VPS13D: variants seen among roughly 807,000 people sequenced by gnomAD.
VPS13D encodes the protein vacuolar protein sorting 13 homolog D, also known as intermembrane lipid transfer protein VPS13D.
A neutral mutation model predicts 461.9 loss-of-function variants in VPS13D; 187 were observed. The ratio of observed to expected loss-of-function variants is 0.40; its 90% CI spans 0.36 to 0.46. The LOEUF (loss-of-function observed/expected upper bound fraction) is 0.46. VPS13D is among the 20% of genes least tolerant of loss of function. The probability of loss-of-function intolerance (pLI) is 0.60; values close to 1 mark genes in which losing one functional copy is unlikely to be tolerated. For missense variants in VPS13D, 4,711 were observed against 5,364.9 expected (o/e 0.88, Z 3.81); for synonymous variants, 1,951 against 1,986.3 (o/e 0.98, Z 0.47).
rs143808117 is a variant in VPS13D, at chr1:12,299,261, C to T, written c.6093C>T (p.Pro2031=). ...RVLLDIEAGA[P]VLLIPESSRS... ...TCCTGGATATTGAGGCTGGTGCTCC[C>T]GTTCTCTTGATCCCAGAAAGTTCCA... is the stretch of plus-strand genomic sequence containing the variant. The change falls in exon 25 of 70, where the codon CCC becomes CCT. Residue 2031 remains proline, a synonymous_variant. Coordinates refer to ENST00000620676, the MANE Select transcript of VPS13D (RefSeq NM_015378.4). This position sits in a 1 kb window ranked among gnomAD's most constrained non-coding sequence, Gnocchi z 4.2. 34 of 1,613,736 alleles carry T rather than the reference C, an allele frequency of 2.1e-5. No homozygotes were observed. Among genetic ancestry groups the T allele is most frequent in the Admixed American group, 6.7e-5 (4 of 59,878 alleles).
intron 64 of VPS13D, among the ~76,000 whole-genome samples, 165 bp from the exon 65 acceptor site, chr1:12,416,495 G>A (rs1644795908): frequency 1.3e-5 from 2 of 152,214 alleles, no homozygotes; most frequent in African/African-American, 4.8e-5. Context: ...GAAAGGACAG[G>A]AGATTATTTT....
At position 12,277,178 on chromosome 1, in the gene VPS13D, G is replaced by C; in HGVS notation, c.3590G>C (p.Ser1197Thr). 6.2e-7 allele frequency: 1 copy of C among 1,614,214 alleles called. No homozygotes were observed. The highest frequency in any genetic ancestry group is 8.5e-7 in the Non-Finnish European group (1 of 1,180,040). ...TATGGCAGAAAAATTGCAACTGCAAGTATAGGTGGCACCAAAGTTAATGTC... is the reference window on the plus strand; with the variant it reads ...TATGGCAGAAAAATTGCAACTGCAACTATAGGTGGCACCAAAGTTAATGTC... ...EKYGRKIATA[S>T]IGGTKVNVSM... Residue 1197 changes from serine (S) to threonine (T), a missense_variant, in exon 19 of 70, where the codon AGT (serine) becomes ACT (threonine). Physicochemically the swap from Ser to Thr is moderately conservative, Grantham distance 58 (BLOSUM62 1). This residue lies in a region of VPS13D where 4,411 missense variants were observed against 4,937.8 expected (regional missense o/e 0.89). Coordinates refer to ENST00000620676, the MANE Select transcript of VPS13D (RefSeq NM_015378.4).
intron 24 of VPS13D, among the ~76,000 whole-genome samples, chr1:12,295,269 T>C (rs534531770): frequency 1.3e-5 from 2 of 150,722 alleles, no homozygotes; most frequent in East Asian, 3.9e-4. Flanking sequence ...AAGATTATAA[T>C]TTAATAAATA....
At chr1:12,317,959 A>T in intron 30 of VPS13D, 113 bp from the exon 31 acceptor site, 1 of 1,047,518 alleles carries the variant, frequency 9.5e-7, no homozygotes, top group Non-Finnish European at 1.4e-6. Context: ...CAAAGCAGGC[A>T]GTTTGGAAAA....
chr1:12,298,413 G>A (rs1642333532), intron 24 of VPS13D, among the ~76,000 whole-genome samples: 1 of 152,156 alleles, frequency 6.6e-6, no homozygotes, highest in South Asian at 2.1e-4. Context: ...GCCAAGACGG[G>A]TGGATCACAT....
Position 12,277,259 on chromosome 1 carries a change from A to G in VPS13D, c.3671A>G (p.Asp1224Gly). Residue 1224 changes from aspartate to glycine, a missense_variant, in exon 19 of 70, where the codon GAT becomes GGT. Asp to Gly is a moderately conservative substitution (Grantham distance 94, BLOSUM62 -1). Around this residue, in one of 3 missense-constraint regions of VPS13D, gnomAD observed 4,411 missense variants for 4,937.8 expected, o/e 0.89. Coordinates refer to ENST00000620676, the MANE Select transcript of VPS13D (RefSeq NM_015378.4). ...NGSLGCLQLM[D>G]LTQDNVKNQY... ...TCTCTTGGCTGTTTACAGCTTATGG[A>G]TTTGACACAAGATAACGTTAAAAAC... 6.2e-7 allele frequency: 1 copy of G among 1,614,208 alleles called. No individual in the cohort carries two copies. The highest frequency in any genetic ancestry group is 1.1e-5 in the South Asian group (1 of 91,082).
At chr1:12,407,591 T>G (rs772604491) in intron 63 of VPS13D, among the ~76,000 whole-genome samples, 15 of 152,232 alleles carry the variant, frequency 9.9e-5, no homozygotes, top group Non-Finnish European at 1.6e-4. Flanking sequence ...TTCCCTCATC[T>G]CGACTTTGAC....
rs532594218 is a variant in VPS13D at position 12,377,351 on chromosome 1, C to T, written c.10918-1077C>T. ...CTTGGATTACAGGCATGAGCCACCA[C>T]GCCCGGCCTAAATGAGTTGTTTTAT... On this transcript the variant is annotated intron_variant, in intron 55 of 69. Transcript: ENST00000620676. Among the ~76,000 whole-genome samples the T allele has an allele frequency of 1.9e-3, 291 of 151,910 alleles. 1 individual carries two copies. Among genetic ancestry groups the T allele is most frequent in the African/African-American group, 6.4e-3 (267 of 41,454 alleles).
intron 30 of VPS13D, among the ~76,000 whole-genome samples, chr1:12,314,977 A>C (rs1642850817): frequency 6.6e-6 from 1 of 152,252 alleles, no homozygotes; most frequent in African/African-American, 2.4e-5. Context: ...CATGGGGTAG[A>C]GGTAATAATT....
chr1:12,481,072 A>G (rs1645708935), intron 67 of VPS13D, among the ~76,000 whole-genome samples: 1 of 152,120 alleles, frequency 6.6e-6, no homozygotes, highest in Non-Finnish European at 1.5e-5. Flanking sequence ...GGAGAAACAA[A>G]CCCTCAGTTG....
chr1:12,379,221 G>A (rs1005608157), intron 56 of VPS13D, among the ~76,000 whole-genome samples: 13 of 152,316 alleles, frequency 8.5e-5, no homozygotes, highest in African/African-American at 2.6e-4. Flanking sequence ...GCCGTTTTGA[G>A]AATGCAAGAA....
chr1:12,250,384 A>G (rs907649485), intron 6 of VPS13D, among the ~76,000 whole-genome samples: 6 of 152,184 alleles, frequency 3.9e-5, no homozygotes, highest in South Asian at 2.1e-4. Flanking sequence ...GAGGCTTTTT[A>G]TGAACAACAA....
At chr1:12,469,062 T>C (rs746541431) in intron 67 of VPS13D, among the ~76,000 whole-genome samples, 1 of 151,994 alleles carries the variant, frequency 6.6e-6, no homozygotes, top group East Asian at 1.9e-4. Flanking sequence ...CAAAAAACTT[T>C]TGTTATATTG....
At chr1:12,487,957 T>A (rs1395065464) in intron 67 of VPS13D, among the ~76,000 whole-genome samples, 1 of 152,254 alleles carries the variant, frequency 6.6e-6, no homozygotes, top group Admixed American at 6.5e-5. Flanking sequence ...TGTAATTCAT[T>A]GAGCTGCTAG....
chr1:12,450,322 A>G (rs1379437497), intron 65 of VPS13D, among the ~76,000 whole-genome samples: 5 of 152,208 alleles, frequency 3.3e-5, no homozygotes, highest in Non-Finnish European at 7.3e-5. Context: ...ACTTAGAGGC[A>G]CAATAGATAG....
Position 12,247,243 on chromosome 1 carries a change from G to A in VPS13D, c.448-1980G>A, listed in dbSNP as rs1157219259. Among the ~76,000 whole-genome samples the A allele has an allele frequency of 3.9e-5, 6 of 152,124 alleles. No homozygotes were observed. In the South Asian group the frequency reaches 6.2e-4, roughly 16 times the overall value. Reference sequence around the variant, plus strand: ...ATCGAGACCAGCCTGGTGAAACCCCGTCTCTGCTAAAAATACAAAATTAGC... The same window carrying A: ...ATCGAGACCAGCCTGGTGAAACCCCATCTCTGCTAAAAATACAAAATTAGC... On this transcript the variant is annotated intron_variant, in intron 5 of 69. Coordinates refer to ENST00000620676, the MANE Select transcript of VPS13D (RefSeq NM_015378.4).
chr1:12,365,439 C>A (rs1644020409), intron 52 of VPS13D, among the ~76,000 whole-genome samples: 1 of 152,162 alleles, frequency 6.6e-6, no homozygotes, highest in Non-Finnish European at 1.5e-5. Context: ...GGCATGGTGG[C>A]TCACGCCTGT....
chr1:12,368,499 G>A lies in VPS13D; in HGVS notation c.10480G>A (p.Val3494Met). 1.9e-6 allele frequency: 3 copies of A among 1,613,246 alleles called. No individual in the cohort carries two copies. Among genetic ancestry groups the A allele is most frequent in the Non-Finnish European group, 2.5e-6 (3 of 1,179,566 alleles). The change falls in exon 53 of 70, where the codon GTG becomes ATG. Residue 3494 changes from valine (V) to methionine (M), a missense_variant. Transcript: ENST00000620676. ...DTLGKCFFLRVEITLRGATYR... is the reference protein window; with the variant it reads ...DTLGKCFFLRMEITLRGATYR... ...CTTGGGAAAATGCTTCTTCCTACGA[G>A]TGGAAATTACTCTCCGAGGAGCTAC... is the stretch of plus-strand genomic sequence containing the variant.
intron 30 of VPS13D, among the ~76,000 whole-genome samples, chr1:12,316,322 T>C (rs957316667): frequency 6.6e-6 from 1 of 152,154 alleles, no homozygotes; most frequent in Non-Finnish European, 1.5e-5. Context: ...GAGTGAAATG[T>C]TCTTTAGATG....
Sources: gnomAD v4.1 joint callset for allele counts (sites outside exome capture counted in the v4.1 genomes callset) on GRCh38, gnomAD v4.1.1 for gene constraint, gnomAD v4.1.1 regional missense constraint, Gnocchi (gnomAD v3.1) non-coding constraint, MANE v1.5 for transcripts, NCBI Gene and HGNC (gene_info 2026-07-23, HGNC 2026-07-21) for gene names.